The following OXR1 variants were observed in gnomAD, a reference collection of about 807,000 sequenced individuals.
OXR1 encodes the protein oxidation resistance 1, also known as oxidation resistance protein 1.
A neutral mutation model predicts 104.6 loss-of-function variants in OXR1; 41 were observed. That is an observed-to-expected ratio of 0.39 (90% CI 0.31 to 0.51). OXR1 has a LOEUF of 0.51. Among genes scored for constraint, OXR1 ranks in the 20% least tolerant of loss-of-function variants. The pLI is 0.77. For missense variants in OXR1, 955 were observed against 1,031.9 expected (o/e 0.93, Z 1.02); for synonymous variants, 348 against 348.4 (o/e 1.00, Z 0.01).
At chr8:106,391,393 G>A (rs908496219) in intron 2 of OXR1, among the ~76,000 whole-genome samples, 4 of 87,454 alleles carry the variant, frequency 4.6e-5, no homozygotes, top group Non-Finnish European at 1.0e-4. Flanking sequence ...GCATGTGGTA[G>A]TATAAAATAA....
intron 3 of OXR1, among the ~76,000 whole-genome samples, chr8:106,560,462 C>T (rs902489195): frequency 8.5e-5 from 13 of 152,132 alleles, no homozygotes; most frequent in Non-Finnish European, 1.6e-4. Context: ...TAGGATTGCT[C>T]GAAGCAGACA....
chr8:106,359,491 G>C lies in OXR1; in HGVS notation c.-123G>C, dbSNP rs528973365. The C allele has an allele frequency of 3.5e-5, 25 of 713,292 alleles. No homozygotes were observed. Among genetic ancestry groups the C allele is most frequent in the African/African-American group, 2.5e-4 (14 of 56,912 alleles). 44.2% of individuals were successfully genotyped at this position (713,292 alleles called of 1,614,324 possible). A position where few individuals can be genotyped will look rare whatever the true frequency, so the allele number is the denominator to read the frequency against. ...TTCTTTATAGGTCCTCTCAAACTGT[G>C]AGTAACTAAGTGGTTTGTGCATCAT... On this transcript the variant is annotated 5_prime_UTR_variant, in exon 2 of 17. Transcript: ENST00000517566.
chr8:106,667,202 G>A (rs1417488398), intron 3 of OXR1, among the ~76,000 whole-genome samples: 1 of 151,906 alleles, frequency 6.6e-6, no homozygotes, highest in African/African-American at 2.4e-5. Context: ...TCAAAGATTT[G>A]ATCTTGAAAT....
intron 2 of OXR1, among the ~76,000 whole-genome samples, chr8:106,498,174 A>G (rs1418994924): frequency 1.3e-5 from 2 of 152,196 alleles, no homozygotes; most frequent in African/African-American, 4.8e-5. Flanking sequence ...ATTTCACAAT[A>G]TTGTAGTAAA....
At chr8:106,616,447 T>C (rs971348605) in intron 3 of OXR1, among the ~76,000 whole-genome samples, 26 of 152,166 alleles carry the variant, frequency 1.7e-4, no homozygotes, top group Admixed American at 9.8e-4. Context: ...TCATAGGAAA[T>C]ACTGGAACTC....
chr8:106,422,860 C>T (rs1818962494), intron 2 of OXR1, among the ~76,000 whole-genome samples: 1 of 152,172 alleles, frequency 6.6e-6, no homozygotes. Flanking sequence ...TTTCACTGCA[C>T]TTAATGGATA....
intron 1 of OXR1, among the ~76,000 whole-genome samples, chr8:106,322,284 C>T (rs115496769): frequency 0.015 from 2,307 of 152,220 alleles, 63 homozygotes; most frequent in African/African-American, 0.053. Context: ...ATAAATCGAA[C>T]TAAAAACAAA....
intron 1 of OXR1, among the ~76,000 whole-genome samples, chr8:106,347,318 A>G (rs548042587): frequency 6.6e-6 from 1 of 152,332 alleles, no homozygotes; most frequent in Admixed American, 6.5e-5. Context: ...CAGGATTGCA[A>G]TATGCCCTAA....
At chr8:106,312,732 A>G (rs966946854) in intron 1 of OXR1, among the ~76,000 whole-genome samples, 3 of 152,196 alleles carry the variant, frequency 2.0e-5, no homozygotes, top group Admixed American at 1.3e-4. Context: ...TTTGAAAGCC[A>G]TTTATAAAGC....
At chr8:106,410,738 G>T (rs1206282812) in intron 2 of OXR1, among the ~76,000 whole-genome samples, 1 of 152,106 alleles carries the variant, frequency 6.6e-6, no homozygotes, top group Non-Finnish European at 1.5e-5. Flanking sequence ...ATAAGAAAAA[G>T]AGGAGTGATG....
chr8:106,481,947 A>G (rs1330042562), intron 2 of OXR1, among the ~76,000 whole-genome samples: 2 of 152,040 alleles, frequency 1.3e-5, no homozygotes, highest in African/African-American at 2.4e-5. Flanking sequence ...GTAAGATAAT[A>G]CATTTGAGAT....
At chr8:106,381,981 C>T (rs1417089397) in intron 2 of OXR1, among the ~76,000 whole-genome samples, 1 of 152,132 alleles carries the variant, frequency 6.6e-6, no homozygotes, top group East Asian at 1.9e-4. Flanking sequence ...ACATTTCTTT[C>T]TAAATTATGA....
chr8:106,392,166 C>A (rs949646210), intron 2 of OXR1, among the ~76,000 whole-genome samples: 1 of 152,150 alleles, frequency 6.6e-6, no homozygotes, highest in African/African-American at 2.4e-5. Context: ...GATGTTCAAC[C>A]CTTGTGGTGA....
At chr8:106,282,646 A>G (rs940502452) in intron 1 of OXR1, among the ~76,000 whole-genome samples, 1 of 152,222 alleles carries the variant, frequency 6.6e-6, no homozygotes, top group African/African-American at 2.4e-5. Context: ...AAGGAAGATA[A>G]CATATGTTTA....
intron 1 of OXR1, among the ~76,000 whole-genome samples, chr8:106,318,759 A>T (rs183837985): frequency 1.3e-5 from 2 of 152,278 alleles, no homozygotes. Context: ...TTATTATAAG[A>T]TACTTGCTTT....
intron 2 of OXR1, among the ~76,000 whole-genome samples, chr8:106,485,469 G>T (rs1455640411): frequency 6.6e-6 from 1 of 152,044 alleles, no homozygotes; most frequent in African/African-American, 2.4e-5. Flanking sequence ...CTCAATAAAT[G>T]TTTTTTAGTT....
chr8:106,411,877 G>A (rs2186400), intron 2 of OXR1, among the ~76,000 whole-genome samples: 57,386 of 151,998 alleles, frequency 0.38, 12,175 homozygotes, highest in East Asian at 0.69. Flanking sequence ...TATATACAGG[G>A]TCTTACTAGC....
intron 1 of OXR1, among the ~76,000 whole-genome samples, chr8:106,339,610 G>T (rs1245942525): frequency 7.3e-6 from 1 of 137,834 alleles, no homozygotes; most frequent in Non-Finnish European, 1.5e-5. Context: ...AGACTAGCAT[G>T]CACTGCTATT....
intron 3 of OXR1, among the ~76,000 whole-genome samples, chr8:106,662,867 GATGATGATGA>G (rs1214570149): frequency 3.2e-5 from 4 of 125,462 alleles, no homozygotes; most frequent in African/African-American, 1.5e-4. Flanking sequence ...TGATGATGAT[GATGATGATGA>G]TACTTGTAGT....
Sources: gnomAD v4.1 joint callset for allele counts (sites outside exome capture counted in the v4.1 genomes callset) on GRCh38, gnomAD v4.1.1 for gene constraint, MANE v1.5 for transcripts, NCBI Gene and HGNC (gene_info 2026-07-23, HGNC 2026-07-21) for gene names.